The following ASB13 variants were observed in gnomAD, a reference collection of about 807,000 sequenced individuals.
ASB13 encodes the protein ankyrin repeat and SOCS box containing 13, also known as ankyrin repeat and SOCS box protein 13.
In ASB13, 33 loss-of-function variants were observed where a neutral mutation model predicts 28.8. The ratio of observed to expected loss-of-function variants is 1.15; its 90% CI spans 0.87 to 1.53. The LOEUF (loss-of-function observed/expected upper bound fraction) is 1.53. ASB13 is among the 40% of genes most tolerant of loss of function. The probability of loss-of-function intolerance (pLI) is 0.00; values close to 1 mark genes in which losing one functional copy is unlikely to be tolerated. For missense variants in ASB13, 414 were observed against 390.1 expected (o/e 1.06, Z -0.52); for synonymous variants, 182 against 172.9 (o/e 1.05, Z -0.41).
Position 5,656,541 on chromosome 10 carries a change from G to GAAA in ASB13, c.44-3494_44-3492dup, listed in dbSNP as rs35585377. Among the ~76,000 whole-genome samples, 198 of 142,492 alleles carry GAAA rather than the reference G, an allele frequency of 1.4e-3. 1 individual carries two copies. Among genetic ancestry groups the GAAA allele is most frequent in the Non-Finnish European group, 2.4e-3 (153 of 64,636 alleles). 93.5% of individuals were successfully genotyped at this position (142,492 alleles called of 152,430 possible). A position where few individuals can be genotyped will look rare whatever the true frequency, so the allele number is the denominator to read the frequency against. On this transcript the variant is annotated intron_variant, in intron 1 of 5. Coordinates refer to ENST00000357700, the MANE Select transcript of ASB13 (RefSeq NM_024701.4). This position sits in a 1 kb window ranked among gnomAD's most constrained non-coding sequence, Gnocchi z 4.3. Reference sequence around the variant, plus strand: ...GCAACCGAGCAAGACTCCGTCTCAAGAAAAAAAAAAAAAGTCTGTAGCAGT... The same window carrying GAAA: ...GCAACCGAGCAAGACTCCGTCTCAAGAAAAAAAAAAAAAAAAGTCTGTAGCAGT...
intron 4 of ASB13, among the ~76,000 whole-genome samples, chr10:5,643,455 A>C (rs1834838823): frequency 6.6e-6 from 1 of 152,234 alleles, no homozygotes; most frequent in South Asian, 2.1e-4. Flanking sequence ...ATAATTTAAG[A>C]AAGTTCTTTC....
Position 5,658,178 on chromosome 10 carries a change from G to C in ASB13, c.44-5128C>G, listed in dbSNP as rs138722329. ...GTCTCAAAAATAAATAAATAAATAC[G>C]CTATTTCTGGCCAGGTGCAGTGGCT... On this transcript the variant is annotated intron_variant, in intron 1 of 5. Coordinates refer to ENST00000357700, the MANE Select transcript of ASB13 (RefSeq NM_024701.4). The surrounding 1 kb of genome is among the most constrained non-coding windows in gnomAD (Gnocchi z 4.2). 6.7e-6 allele frequency among the ~76,000 whole-genome samples: 1 copy of C among 148,374 alleles called. No homozygotes were observed. Among genetic ancestry groups the C allele is most frequent in the Admixed American group, 6.7e-5 (1 of 14,890 alleles).
chr10:5,649,144 C>T lies in ASB13; in HGVS notation c.383-40G>A, dbSNP rs777112191. ...AAAAGGGGGGGAATGTCCTTGAATACGGACACTGGAGACAACAAGCACACA... is the reference window on the plus strand; with the variant it reads ...AAAAGGGGGGGAATGTCCTTGAATATGGACACTGGAGACAACAAGCACACA... On this transcript the variant is annotated intron_variant, in intron 3 of 5. Coordinates refer to ENST00000357700, the MANE Select transcript of ASB13 (RefSeq NM_024701.4). The surrounding 1 kb of genome is among the most constrained non-coding windows in gnomAD (Gnocchi z 6.4). The T allele has an allele frequency of 5.6e-6, 9 of 1,611,120 alleles. No individual in the cohort carries two copies. In the East Asian group the frequency reaches 6.7e-5, roughly 12 times the overall value.
In ASB13 at chr10:5,658,623, T is replaced by C. The variant is rs148997049; in HGVS notation, c.44-5573A>G. Among the ~76,000 whole-genome samples, 473 of 152,326 alleles carry C rather than the reference T, an allele frequency of 3.1e-3. 2 individuals carry two copies. Among genetic ancestry groups the C allele is most frequent in the African/African-American group, 0.011 (442 of 41,570 alleles). ...TCAGTTTTACAGGATGAAAAAGTTCTAGAGATCTGTTACACAAAAATGTAA... is the reference window on the plus strand; with the variant it reads ...TCAGTTTTACAGGATGAAAAAGTTCCAGAGATCTGTTACACAAAAATGTAA... On this transcript the variant is annotated intron_variant, in intron 1 of 5. Coordinates refer to ENST00000357700, the MANE Select transcript of ASB13 (RefSeq NM_024701.4). The surrounding 1 kb of genome is among the most constrained non-coding windows in gnomAD (Gnocchi z 4.2).
rs1053065917 is a variant in ASB13, at chr10:5,655,146, T to A, written c.44-2096A>T. On this transcript the variant is annotated intron_variant, in intron 1 of 5. Transcript: ENST00000357700. This position sits in a 1 kb window ranked among gnomAD's most constrained non-coding sequence, Gnocchi z 6.2. Reference sequence around the variant, plus strand: ...GTCTGCATCGAATTTCCTCTGCAGGTGGGTAGCCTCATCAGTTAGTGCTGA... The same window carrying A: ...GTCTGCATCGAATTTCCTCTGCAGGAGGGTAGCCTCATCAGTTAGTGCTGA... Among the ~76,000 whole-genome samples the A allele has an allele frequency of 2.0e-5, 3 of 150,930 alleles. No individual in the cohort carries two copies. Among genetic ancestry groups the A allele is most frequent in the African/African-American group, 7.3e-5 (3 of 41,164 alleles).
At chr10:5,654,531 A>T (rs3750638) in intron 1 of ASB13, among the ~76,000 whole-genome samples, 73,642 of 151,896 alleles carry the variant, frequency 0.48, 18,769 homozygotes, top group Middle Eastern at 0.66. Context: ...TAACTGGTAC[A>T]GACCGTAAAC....
At chr10:5,666,373 C>T (rs1377347669) in intron 1 of ASB13, 136 bp downstream of exon 1, 6 of 690,032 alleles carry the variant, frequency 8.7e-6, no homozygotes, top group Non-Finnish European at 1.1e-5. Flanking sequence ...CCGCGGCCCA[C>T]CCCGCCAAAC....
At position 5,650,540 on chromosome 10, in the gene ASB13, T is replaced by C. The variant is rs1335017028; in HGVS notation, c.382+673A>G. Among the ~76,000 whole-genome samples the C allele has an allele frequency of 6.6e-6, 1 of 152,202 alleles. No homozygotes were observed. Among genetic ancestry groups the C allele is most frequent in the East Asian group, 1.9e-4 (1 of 5,190 alleles). On this transcript the variant is annotated intron_variant, in intron 3 of 5. Coordinates refer to ENST00000357700, the MANE Select transcript of ASB13 (RefSeq NM_024701.4). The surrounding 1 kb of genome is among the most constrained non-coding windows in gnomAD (Gnocchi z 6.0). ...CAAAGGCCATGCTGGCCGGTCAAGA[T>C]ATAAGCCACAGTTTGCAACCTCTGC...
Position 5,642,210 on chromosome 10 carries a change from G to A in ASB13, c.518-249C>T, listed in dbSNP as rs536048017. Among the ~76,000 whole-genome samples the A allele has an allele frequency of 5.3e-5, 8 of 152,216 alleles. No homozygotes were observed. Among genetic ancestry groups the A allele is most frequent in the East Asian group, 1.9e-4 (1 of 5,184 alleles). Reference sequence around the variant, plus strand: ...TAAAGAAATAACTAGAAATAGAACCGAAAAGAAGAAAAATAAAACGAAAAA... The same window carrying A: ...TAAAGAAATAACTAGAAATAGAACCAAAAAGAAGAAAAATAAAACGAAAAA... On this transcript the variant is annotated intron_variant, in intron 4 of 5. Coordinates refer to ENST00000357700, the MANE Select transcript of ASB13 (RefSeq NM_024701.4). The surrounding 1 kb of genome is among the most constrained non-coding windows in gnomAD (Gnocchi z 4.1).
At position 5,640,148 on chromosome 10, in the gene ASB13, G is replaced by A. The variant is rs1027117659; in HGVS notation, c.*555C>T. Reference sequence around the variant, plus strand: ...GGGGATGCCTTGGAAAGTGCTCCAGGAAAAGCATCCACACAGCAGCCAGCA... The same window carrying A: ...GGGGATGCCTTGGAAAGTGCTCCAGAAAAAGCATCCACACAGCAGCCAGCA... On this transcript the variant is annotated 3_prime_UTR_variant, in exon 6 of 6. Transcript: ENST00000357700. The A allele has an allele frequency of 2.0e-5, 3 of 153,278 alleles. No homozygotes were observed. Among genetic ancestry groups the A allele is most frequent in the Non-Finnish European group, 4.4e-5 (3 of 68,518 alleles). The allele number at this position is 153,278 out of a possible 1,614,324, so 9.5% of individuals were successfully genotyped here.
rs556929057 is a variant in ASB13 at position 5,653,000 on chromosome 10, T to A, written c.94A>T (p.Ser32Cys). 2 of 1,552,496 alleles carry A rather than the reference T, an allele frequency of 1.3e-6. No individual in the cohort carries two copies. The highest frequency in any genetic ancestry group is 1.2e-5 in the South Asian group (1 of 84,110). The change falls in exon 2 of 6, where the codon AGC becomes TGC. Residue 32 changes from serine (S) to cysteine (C), a missense_variant. Physicochemically the swap from Ser to Cys is moderately radical, Grantham distance 112. Coordinates refer to ENST00000357700, the MANE Select transcript of ASB13 (RefSeq NM_024701.4). This position sits in a 1 kb window ranked among gnomAD's most constrained non-coding sequence, Gnocchi z 5.0. Reference protein sequence around the residue: ...PVHEAAQRGESLQLQQLIESG... With the variant: ...PVHEAAQRGECLQLQQLIESG... ...TCGATCAGCTGTTGCAGCTGCAGGCTCTCACCCCGCTGGGCTGCCTCGTGC... is the reference window on the plus strand; with the variant it reads ...TCGATCAGCTGTTGCAGCTGCAGGCACTCACCCCGCTGGGCTGCCTCGTGC...
rs553023705 is a variant in ASB13, at chr10:5,652,239, G to C, written c.231+624C>G. Among the ~76,000 whole-genome samples, 1 of 152,194 alleles carries C rather than the reference G, an allele frequency of 6.6e-6. No homozygotes were observed. The highest frequency in any genetic ancestry group is 2.1e-4 in the South Asian group (1 of 4,822). On this transcript the variant is annotated intron_variant, in intron 2 of 5. Transcript: ENST00000357700. The surrounding 1 kb of genome is among the most constrained non-coding windows in gnomAD (Gnocchi z 5.0). The stretch of plus-strand genomic sequence containing the variant: ...AATCGGTTCCATTCCAACCTTTTGG[G>C]AAGAGTAAACAGTACACTGTCTTCC...
At chr10:5,643,921 C>A (rs756111399) in intron 4 of ASB13, among the ~76,000 whole-genome samples, 1 of 152,240 alleles carries the variant, frequency 6.6e-6, no homozygotes, top group Non-Finnish European at 1.5e-5. Context: ...CTAAAAATCA[C>A]GCTCCCTGCC....
In ASB13 at chr10:5,652,058, AC is replaced by A; in HGVS notation, c.232-696del. On this transcript the variant is annotated intron_variant, in intron 2 of 5. Coordinates refer to ENST00000357700, the MANE Select transcript of ASB13 (RefSeq NM_024701.4). The surrounding 1 kb of genome is among the most constrained non-coding windows in gnomAD (Gnocchi z 5.0). ...CACACACACACACACACACACACACACACAAAACTCTAACCTCAATGGAAGG... is the reference window on the plus strand; with the variant it reads ...CACACACACACACACACACACACACAACAAAACTCTAACCTCAATGGAAGG... 6.7e-6 allele frequency among the ~76,000 whole-genome samples: 1 copy of A among 148,942 alleles called. No individual in the cohort carries two copies. The highest frequency in any genetic ancestry group is 1.5e-5 in the Non-Finnish European group (1 of 67,132).
At chr10:5,640,915 C>G (rs117315306) in intron 5 of ASB13, 85 bp from the exon 6 acceptor site, 1 of 1,525,284 alleles carries the variant, frequency 6.6e-7, no homozygotes, top group Non-Finnish European at 8.9e-7. Context: ...CAGAGGGAAT[C>G]GGAAACGCCT....
Position 5,650,742 on chromosome 10 carries a change from GC to G in ASB13, c.382+470del, listed in dbSNP as rs1426773623. On this transcript the variant is annotated intron_variant, in intron 3 of 5. Coordinates refer to ENST00000357700, the MANE Select transcript of ASB13 (RefSeq NM_024701.4). The surrounding 1 kb of genome is among the most constrained non-coding windows in gnomAD (Gnocchi z 6.0). ...TTTATCTTCCCAGCATCTGCAGTCT[GC>G]CTATTCTTGGGGGGCAGATGAGGTC... is the stretch of plus-strand genomic sequence containing the variant. Among the ~76,000 whole-genome samples the G allele has an allele frequency of 2.0e-5, 3 of 152,210 alleles. No homozygotes were observed. The highest frequency in any genetic ancestry group is 4.4e-5 in the Non-Finnish European group (3 of 68,040).
In ASB13 at chr10:5,649,225, G is replaced by C; in HGVS notation, c.383-121C>G. 7.2e-7 allele frequency: 1 copy of C among 1,380,482 alleles called. No homozygotes were observed. Among genetic ancestry groups the C allele is most frequent in the South Asian group, 1.3e-5 (1 of 77,548 alleles). 85.5% of individuals were successfully genotyped at this position (1,380,482 alleles called of 1,614,324 possible). On this transcript the variant is annotated intron_variant, in intron 3 of 5. Transcript: ENST00000357700. This position sits in a 1 kb window ranked among gnomAD's most constrained non-coding sequence, Gnocchi z 6.4. ...GGTGCAGGGCAGGGAAGCCAGGCAG[G>C]CCTGCGTCCCAACCTAGGGAGGAGT...
chr10:5,657,178 C>G (rs766040314), intron 1 of ASB13, among the ~76,000 whole-genome samples: 1 of 151,708 alleles, frequency 6.6e-6, no homozygotes, highest in Non-Finnish European at 1.5e-5. Flanking sequence ...TAGCAGCAGA[C>G]ATGATAAGAA....
chr10:5,648,032 CA>C (rs1344599465), intron 4 of ASB13, among the ~76,000 whole-genome samples: 1 of 108,760 alleles, frequency 9.2e-6, no homozygotes, highest in East Asian at 2.6e-4. Context: ...CTCAGGTAAA[CA>C]CCTACTCAGG....
Sources: allele counts gnomAD v4.1 joint callset (sites outside exome capture counted in the v4.1 genomes callset), GRCh38; gene constraint gnomAD v4.1.1; non-coding constraint Gnocchi (gnomAD v3.1); transcripts MANE v1.5; gene names NCBI Gene and HGNC (gene_info 2026-07-23, HGNC 2026-07-21).